Variants in CFAP221 observed in about 807,000 individuals in gnomAD.
CFAP221 encodes the protein cilia- and flagella-associated protein 221.
A neutral mutation model predicts 113.1 loss-of-function variants in CFAP221; 97 were observed. The observed-to-expected ratio is 0.86, with a 90% CI of 0.73 to 1.02. The LOEUF (loss-of-function observed/expected upper bound fraction) is 1.02. CFAP221 is among the 50% of genes least tolerant of loss of function. The pLI, the probability that CFAP221 is intolerant of heterozygous loss-of-function variation, is 0.00. For missense variants in CFAP221, 1,025 were observed against 1,013.4 expected (o/e 1.01, Z -0.16); for synonymous variants, 331 against 354.4 (o/e 0.93, Z 0.74).
intron 22 of CFAP221, among the ~76,000 whole-genome samples, chr2:119,647,422 G>C (rs1416898576): frequency 6.6e-6 from 1 of 152,182 alleles, no homozygotes; most frequent in Non-Finnish European, 1.5e-5. Flanking sequence ...ACTTACATTT[G>C]ATTTTACTGA....
intron 21 of CFAP221, among the ~76,000 whole-genome samples, chr2:119,642,888 C>T (rs556349402): frequency 6.6e-6 from 1 of 151,956 alleles, no homozygotes; most frequent in African/African-American, 2.4e-5. Context: ...AGGGCTCCAC[C>T]CCTATGACCT....
Position 119,656,522 on chromosome 2 carries a change from C to A in CFAP221, c.*52C>A. The A allele has an allele frequency of 7.9e-7, 1 of 1,272,440 alleles. No homozygotes were observed. Among genetic ancestry groups the A allele is most frequent in the Non-Finnish European group, 1.1e-6 (1 of 882,328 alleles). The allele number at this position is 1,272,440 out of a possible 1,614,324, so 78.8% of individuals were successfully genotyped here. On this transcript the variant is annotated 3_prime_UTR_variant, in exon 24 of 24. Coordinates refer to ENST00000413369, the MANE Select transcript of CFAP221 (RefSeq NM_001271049.2). ...ATTTGCTTTCCGTGGGCCACTGTGG[C>A]CCCTTGCGTCCATTTACATGCCAGC...
chr2:119,566,756 G>A (rs1435881279), intron 6 of CFAP221, among the ~76,000 whole-genome samples: 1 of 152,108 alleles, frequency 6.6e-6, no homozygotes, highest in East Asian at 1.9e-4. Flanking sequence ...GGCAACTCCT[G>A]GGTCAGTGCC....
At chr2:119,580,702 A>G (rs1158656241) in intron 6 of CFAP221, 1 of 152,218 alleles carries the variant, frequency 6.6e-6, no homozygotes, top group Non-Finnish European at 1.5e-5. Flanking sequence ...AAGCTGAACA[A>G]CTCCACAGAG....
intron 14 of CFAP221, among the ~76,000 whole-genome samples, chr2:119,623,245 A>T (rs1280072648): frequency 6.6e-6 from 1 of 152,236 alleles, no homozygotes; most frequent in Non-Finnish European, 1.5e-5. Flanking sequence ...GAAACAAATC[A>T]TGAGTGAACT....
rs1686728115 is a variant in CFAP221 at position 119,630,871 on chromosome 2, G to A, written c.1944G>A (p.Met648Ile). ...TGAAACCACCTGAGGCCTTAGCCAT[G>A]TCTCTAGATTATGATCCTCTGTATG... Reference protein sequence around the residue: ...LSMKPPEALAMSLDYDPLYVF... With the variant: ...LSMKPPEALAISLDYDPLYVF... The change falls in exon 19 of 24, where the codon ATG becomes ATA. Residue 648 changes from methionine (M) to isoleucine (I), a missense_variant. Transcript: ENST00000413369. 3.1e-6 allele frequency: 5 copies of A among 1,613,726 alleles called. No individual in the cohort carries two copies. The highest frequency in any genetic ancestry group is 4.2e-6 in the Non-Finnish European group (5 of 1,179,610).
chr2:119,639,472 C>T (rs1687343070), intron 20 of CFAP221, among the ~76,000 whole-genome samples: 1 of 152,228 alleles, frequency 6.6e-6, no homozygotes, highest in Non-Finnish European at 1.5e-5. Flanking sequence ...GCATTAGCAT[C>T]ACATTCACAA....
chr2:119,586,979 C>T (rs1170273488), intron 6 of CFAP221, 140 bp from the exon 7 acceptor site: 3 of 569,776 alleles, frequency 5.3e-6, no homozygotes, highest in African/African-American at 1.9e-5. Flanking sequence ...TGGGGTTACT[C>T]CTGGCACACA....
chr2:119,596,899 T>C (rs1053540423), intron 7 of CFAP221, among the ~76,000 whole-genome samples: 1 of 152,194 alleles, frequency 6.6e-6, no homozygotes, highest in Non-Finnish European at 1.5e-5. Context: ...TCTTCTGAGC[T>C]GTGGATCGCC....
intron 7 of CFAP221, among the ~76,000 whole-genome samples, chr2:119,594,745 C>G (rs1683843811): frequency 6.6e-6 from 1 of 152,216 alleles, no homozygotes; most frequent in African/African-American, 2.4e-5. Context: ...TTACATCGTG[C>G]TTACCATGTG....
In CFAP221 at chr2:119,613,342, C is replaced by T. The variant is rs570538381; in HGVS notation, c.1311+1600C>T. Among the ~76,000 whole-genome samples, 24 of 152,348 alleles carry T rather than the reference C, an allele frequency of 1.6e-4. No individual in the cohort carries two copies. The East Asian group carries it at 4.4e-3, about 28-fold the overall frequency. On this transcript the variant is annotated intron_variant, in intron 13 of 23. Coordinates refer to ENST00000413369, the MANE Select transcript of CFAP221 (RefSeq NM_001271049.2). ...AGTAGGCAGTGCCCCAGTGGGGATT[C>T]CGTGTGGGGGCTCCAACCCTACATT... is the stretch of plus-strand genomic sequence containing the variant.
chr2:119,608,647 C>CTA (rs1169372327), intron 12 of CFAP221, 58 bp downstream of exon 12: 26 of 1,444,310 alleles, frequency 1.8e-5, no homozygotes, highest in Non-Finnish European at 2.1e-5. Flanking sequence ...TAAATTCCTA[C>CTA]TATATGCAAG....
chr2:119,567,384 C>A (rs1056698629), intron 6 of CFAP221, among the ~76,000 whole-genome samples: 2 of 152,158 alleles, frequency 1.3e-5, no homozygotes, highest in African/African-American at 4.8e-5. Context: ...TAGTCTTTTT[C>A]TGATTGGGTG....
intron 19 of CFAP221, among the ~76,000 whole-genome samples, chr2:119,632,608 T>G (rs1252441663): frequency 2.0e-5 from 3 of 150,078 alleles, no homozygotes; most frequent in Non-Finnish European, 4.4e-5. Flanking sequence ...CTAATTCTAT[T>G]CAGGATTATA....
At chr2:119,619,144 G>A (rs957105659) in intron 14 of CFAP221, among the ~76,000 whole-genome samples, 3 of 152,212 alleles carry the variant, frequency 2.0e-5, no homozygotes, top group Admixed American at 1.3e-4. Flanking sequence ...GGGGAAAGGG[G>A]CAGCTTTGGT....
intron 23 of CFAP221, 136 bp downstream of exon 23, chr2:119,652,205 A>G (rs906380787): frequency 3.6e-6 from 2 of 560,976 alleles, no homozygotes; most frequent in African/African-American, 3.9e-5. Flanking sequence ...TGCTTCATAT[A>G]TTTAGATGTG....
Position 119,638,430 on chromosome 2 carries a change from C to A in CFAP221, c.2133+13C>A. The A allele has an allele frequency of 6.2e-7, 1 of 1,613,958 alleles. No individual in the cohort carries two copies. Among genetic ancestry groups the A allele is most frequent in the Non-Finnish European group, 8.5e-7 (1 of 1,179,902 alleles). On this transcript the variant is annotated intron_variant, in intron 20 of 23. Transcript: ENST00000413369. ...TCTCCATCACACGGTAATGTCATCACCAGGCTCACTGGCAGAGTGACCCTG... is the reference window on the plus strand; with the variant it reads ...TCTCCATCACACGGTAATGTCATCAACAGGCTCACTGGCAGAGTGACCCTG...
At chr2:119,602,787 T>A (rs2104667624) in intron 8 of CFAP221, 1 of 985,030 alleles carries the variant, frequency 1.0e-6, no homozygotes, top group South Asian at 4.7e-5. Flanking sequence ...GTTTGCCACT[T>A]CACATCAGGT....
At chr2:119,652,772 A>G (rs868261501) in intron 23 of CFAP221, among the ~76,000 whole-genome samples, 8 of 152,162 alleles carry the variant, frequency 5.3e-5, no homozygotes, top group Middle Eastern at 6.8e-3. Flanking sequence ...CATATGCTTT[A>G]TAAGTTTGAA....
Sources: allele counts gnomAD v4.1 joint callset (sites outside exome capture counted in the v4.1 genomes callset), GRCh38; gene constraint gnomAD v4.1.1; transcripts MANE v1.5; gene names NCBI Gene and HGNC (gene_info 2026-07-23, HGNC 2026-07-21).